IGSF11: variants seen among roughly 807,000 people sequenced by gnomAD.
IGSF11 encodes the protein CXADR like 1.
In IGSF11, 22 loss-of-function variants were observed where a neutral mutation model predicts 41.0. The observed-to-expected ratio is 0.54, with a 90% CI of 0.38 to 0.77. The LOEUF (loss-of-function observed/expected upper bound fraction) is 0.77. Among genes scored for constraint, IGSF11 ranks in the 30% least tolerant of loss-of-function variants. IGSF11 has a pLI of 0.00. For synonymous variants in IGSF11, 219 were observed against 201.3 expected, an observed-to-expected ratio of 1.09 and a Z score of -0.74; for missense variants, 444 against 530.8, an observed-to-expected ratio of 0.84 and a Z score of 1.61.
intron 1 of IGSF11, among the ~76,000 whole-genome samples, chr3:119,021,136 C>T (rs1335158912): frequency 6.6e-6 from 1 of 152,094 alleles, no homozygotes; most frequent in Non-Finnish European, 1.5e-5. Context: ...ATCTTTTGGC[C>T]ACAGGTTAAA....
chr3:119,001,832 T>C (rs1033693020), intron 1 of IGSF11, among the ~76,000 whole-genome samples: 11 of 137,998 alleles, frequency 8.0e-5, no homozygotes, highest in Non-Finnish European at 9.3e-5. Flanking sequence ...TAGTATTCCA[T>C]GGTGTATATG....
chr3:118,968,538 T>C (rs1359868102), intron 1 of IGSF11, among the ~76,000 whole-genome samples: 1 of 152,176 alleles, frequency 6.6e-6, no homozygotes, highest in East Asian at 1.9e-4. Flanking sequence ...TGAGCTAGAA[T>C]TTAGGGCAAA....
intron 1 of IGSF11, among the ~76,000 whole-genome samples, chr3:118,942,374 A>G (rs1011026891): frequency 6.6e-6 from 1 of 152,144 alleles, no homozygotes; most frequent in African/African-American, 2.4e-5. Flanking sequence ...ACCCTACAAC[A>G]CTACCATCCT....
chr3:119,034,821 G>A lies in IGSF11; in HGVS notation c.-239C>T, dbSNP rs528679021. On this transcript the variant is annotated 5_prime_UTR_variant, in exon 1 of 7. The change creates a new upstream start codon in the 5' untranslated region. Transcript: ENST00000393775. ...CAGAGGCGTTCCGGGCTCGCCAGCC[G>A]TGCCACCCAGCCCTGCCCCAGGACT... 14 of 1,256,040 alleles carry A rather than the reference G, an allele frequency of 1.1e-5. No homozygotes were observed. The highest frequency in any genetic ancestry group is 1.2e-5 in the Non-Finnish European group (12 of 999,998). 77.8% of individuals were successfully genotyped at this position (1,256,040 alleles called of 1,614,324 possible).
At chr3:119,107,690 A>G (rs567345990), upstream of IGSF11, among the ~76,000 whole-genome samples, 16 of 152,268 alleles carry the variant, frequency 1.1e-4, no homozygotes, top group Admixed American at 8.5e-4. Context: ...GGTAATGCCT[A>G]GGTTTTCTTC....
intron 2 of IGSF11, among the ~76,000 whole-genome samples, chr3:118,929,005 A>G (rs1226223155): frequency 1.3e-5 from 2 of 152,162 alleles, no homozygotes; most frequent in Non-Finnish European, 2.9e-5. Flanking sequence ...AAATATTCTT[A>G]CCAGTTCAAA....
chr3:118,959,129 G>A (rs889116522), intron 1 of IGSF11, among the ~76,000 whole-genome samples: 1 of 152,154 alleles, frequency 6.6e-6, no homozygotes, highest in African/African-American at 2.4e-5. Flanking sequence ...GGTGCCATAC[G>A]GATTTGGTAA....
intron 1 of IGSF11, among the ~76,000 whole-genome samples, chr3:119,070,672 G>A (rs1231691541): frequency 6.6e-6 from 1 of 151,936 alleles, no homozygotes; most frequent in Non-Finnish European, 1.5e-5. Flanking sequence ...TTGGGTTTTG[G>A]GGTTTTGAAT....
chr3:119,059,207 A>ACACACACACC (rs755839793), intron 1 of IGSF11, among the ~76,000 whole-genome samples: 1 of 144,508 alleles, frequency 6.9e-6, no homozygotes, highest in African/African-American at 2.5e-5. Flanking sequence ...ACACACACAC[A>ACACACACACC]CCACACCATG....
intron 4 of IGSF11, among the ~76,000 whole-genome samples, chr3:118,912,597 T>C (rs180961507): frequency 7.2e-5 from 11 of 151,926 alleles, no homozygotes; most frequent in South Asian, 2.1e-4. Flanking sequence ...CAGAAACAAA[T>C]AGAAAACATA....
At chr3:118,912,036 C>T (rs944669357) in intron 4 of IGSF11, among the ~76,000 whole-genome samples, 6 of 151,874 alleles carry the variant, frequency 4.0e-5, no homozygotes, top group Non-Finnish European at 8.8e-5. Context: ...GAAAGAAAAA[C>T]GTATAATCTA....
At chr3:118,940,399 A>C (rs1188535100) in intron 1 of IGSF11, among the ~76,000 whole-genome samples, 1 of 152,172 alleles carries the variant, frequency 6.6e-6, no homozygotes, top group African/African-American at 2.4e-5. Flanking sequence ...GAATATTTGG[A>C]AATTAAAATT....
intron 1 of IGSF11, among the ~76,000 whole-genome samples, chr3:119,059,398 TG>T (rs1214026460): frequency 6.6e-6 from 1 of 152,080 alleles, no homozygotes; most frequent in Non-Finnish European, 1.5e-5. Context: ...AAATGGACTC[TG>T]GGGACTCAGG....
chr3:118,914,201 G>A (rs1940741767), intron 4 of IGSF11, among the ~76,000 whole-genome samples: 1 of 152,182 alleles, frequency 6.6e-6, no homozygotes, highest in Admixed American at 6.5e-5. Flanking sequence ...AGAAGATATG[G>A]GAAGAGGGGG....
rs79280804 is a variant in IGSF11, at chr3:118,904,907, G to A, written c.704-109C>T. ...GCTTACTAAATAATCTGCTTAAAAC[G>A]TATAAAACTCTCTAAAATCTTTCAT... On this transcript the variant is annotated intron_variant, in intron 5 of 6. Transcript: ENST00000393775. The A allele has an allele frequency of 2.1e-4, 178 of 857,804 alleles. 1 individual carries two copies. In the Admixed American group the frequency reaches 3.6e-3, roughly 17 times the overall value. 53.1% of individuals were successfully genotyped at this position (857,804 alleles called of 1,614,324 possible). A position where few individuals can be genotyped will look rare whatever the true frequency, so the allele number is the denominator to read the frequency against.
At position 118,901,769 on chromosome 3, in the gene IGSF11, T is replaced by G. The variant is rs1938889410; in HGVS notation, c.*751A>C. 1 of 152,088 alleles carries G rather than the reference T, an allele frequency of 6.6e-6. No individual in the cohort carries two copies. Among genetic ancestry groups the G allele is most frequent in the Admixed American group, 6.5e-5 (1 of 15,278 alleles). 9.4% of individuals were successfully genotyped at this position (152,088 alleles called of 1,614,324 possible). A position where few individuals can be genotyped will look rare whatever the true frequency, so the allele number is the denominator to read the frequency against. On this transcript the variant is annotated 3_prime_UTR_variant, in exon 7 of 7. Coordinates refer to ENST00000393775, the MANE Select transcript of IGSF11 (RefSeq NM_001015887.3). ...GTATTTAAAAAAAAAAAAAAGCCTT[T>G]TATAAAAAAATATTTTTCCAGGAAA...
chr3:119,089,500 T>A (rs1306592702), intron 1 of IGSF11, among the ~76,000 whole-genome samples: 1 of 152,134 alleles, frequency 6.6e-6, no homozygotes, highest in African/African-American at 2.4e-5. Flanking sequence ...CTAGAAGCAT[T>A]CTCCTTTAGA....
chr3:119,000,302 C>A (rs1184245863), intron 1 of IGSF11, among the ~76,000 whole-genome samples: 2 of 150,562 alleles, frequency 1.3e-5, no homozygotes, highest in Admixed American at 6.6e-5. Context: ...TCTGTGCACT[C>A]TTGATTCACA....
intron 1 of IGSF11, among the ~76,000 whole-genome samples, chr3:119,065,843 T>C (rs1942216827): frequency 6.6e-6 from 1 of 151,326 alleles, no homozygotes; most frequent in Non-Finnish European, 1.5e-5. Context: ...TAGTATTCTG[T>C]TTTATAAAAG....
Sources: allele counts gnomAD v4.1 joint callset (sites outside exome capture counted in the v4.1 genomes callset), GRCh38; gene constraint gnomAD v4.1.1; transcripts MANE v1.5; gene names NCBI Gene and HGNC (gene_info 2026-07-23, HGNC 2026-07-21).